The following METTL24 variants were observed in gnomAD, a reference collection of about 807,000 sequenced individuals.
METTL24 encodes the protein probable methyltransferase-like protein 24.
Under a neutral mutation model 32.7 loss-of-function variants are expected in METTL24, and 29 were observed. The observed-to-expected ratio is 0.89, with a 90% CI of 0.66 to 1.21. METTL24 has a LOEUF of 1.21. Ranked by LOEUF, METTL24 falls within the 50% of genes most tolerant of loss-of-function variation. The pLI, the probability that METTL24 is intolerant of heterozygous loss-of-function variation, is 0.00. For missense variants in METTL24, 439 were observed against 468.1 expected, an observed-to-expected ratio of 0.94 and a Z score of 0.57; for synonymous variants, 163 against 179.5, an observed-to-expected ratio of 0.91 and a Z score of 0.73.
At chr6:110,300,961 G>T (rs1208474821) in intron 3 of METTL24, among the ~76,000 whole-genome samples, 1 of 152,120 alleles carries the variant, frequency 6.6e-6, no homozygotes, top group Non-Finnish European at 1.5e-5. Context: ...GTTATATACA[G>T]ATACTACACC....
At chr6:110,352,404 T>A (rs1014171612) in intron 1 of METTL24, among the ~76,000 whole-genome samples, 3 of 152,200 alleles carry the variant, frequency 2.0e-5, no homozygotes, top group Non-Finnish European at 2.9e-5. Context: ...TATGTTCAAA[T>A]ACTTAAAACA....
At chr6:110,263,641 A>G (rs1770796713) in intron 4 of METTL24, among the ~76,000 whole-genome samples, 1 of 152,216 alleles carries the variant, frequency 6.6e-6, no homozygotes, top group Non-Finnish European at 1.5e-5. Flanking sequence ...ATGTGGAACC[A>G]AAAAAGAGCC....
intron 2 of METTL24, among the ~76,000 whole-genome samples, chr6:110,316,753 G>A (rs1330255588): frequency 1.3e-5 from 2 of 152,076 alleles, no homozygotes; most frequent in Non-Finnish European, 2.9e-5. Flanking sequence ...AACATTAGCT[G>A]GGCATGGTGG....
intron 1 of METTL24, among the ~76,000 whole-genome samples, chr6:110,356,939 G>A (rs1036975155): frequency 6.6e-6 from 1 of 152,218 alleles, no homozygotes; most frequent in Non-Finnish European, 1.5e-5. Flanking sequence ...TTGTGGTGCT[G>A]AAAAGTAGGC....
At chr6:110,294,128 TA>T (rs1271131000) in intron 4 of METTL24, among the ~76,000 whole-genome samples, 1 of 152,154 alleles carries the variant, frequency 6.6e-6, no homozygotes, top group Admixed American at 6.5e-5. Context: ...TTGCATTTTT[TA>T]TTTTTTTTAT....
chr6:110,307,112 G>A (rs1219860853), intron 3 of METTL24, among the ~76,000 whole-genome samples: 3 of 152,194 alleles, frequency 2.0e-5, no homozygotes, highest in Non-Finnish European at 4.4e-5. Flanking sequence ...ACAATATTCA[G>A]TATCCAAATG....
chr6:110,325,992 G>A (rs978573891), intron 1 of METTL24, among the ~76,000 whole-genome samples: 1 of 152,204 alleles, frequency 6.6e-6, no homozygotes, highest in African/African-American at 2.4e-5. Context: ...CCTCAAAGGC[G>A]AGTTCTCTCT....
At chr6:110,256,687 A>G (rs1385206119) in intron 4 of METTL24, among the ~76,000 whole-genome samples, 1 of 152,170 alleles carries the variant, frequency 6.6e-6, no homozygotes, top group African/African-American at 2.4e-5. Flanking sequence ...AGAGGAGACA[A>G]GAGAGGTCAA....
At chr6:110,344,176 A>G (rs1772421523) in intron 1 of METTL24, among the ~76,000 whole-genome samples, 1 of 152,226 alleles carries the variant, frequency 6.6e-6, no homozygotes, top group Admixed American at 6.5e-5. Flanking sequence ...TCACTGCATG[A>G]CAATGGACTC....
At chr6:110,252,104 A>G (rs1385354453) in intron 4 of METTL24, among the ~76,000 whole-genome samples, 2 of 152,196 alleles carry the variant, frequency 1.3e-5, no homozygotes, top group Non-Finnish European at 2.9e-5. Context: ...AGATGGCGCC[A>G]TGATACTCCA....
rs141095751 is a variant in METTL24, at chr6:110,289,193, C to T, written c.786+9729G>A. On this transcript the variant is annotated intron_variant, in intron 4 of 4. Transcript: ENST00000338882. ...CCAAAAACCTTCTACTGAAAATACA[C>T]CAGTAAACCAAAATTCCAAAATACA... Among the ~76,000 whole-genome samples, 237 of 152,260 alleles carry T rather than the reference C, an allele frequency of 1.6e-3. 1 individual carries two copies. The highest frequency in any genetic ancestry group is 5.5e-3 in the African/African-American group (229 of 41,546).
At chr6:110,335,566 G>GTTTTTTTTT (rs527344096) in intron 1 of METTL24, among the ~76,000 whole-genome samples, 1 of 66,112 alleles carries the variant, frequency 1.5e-5, no homozygotes, top group Admixed American at 1.8e-4. Flanking sequence ...GGGAATCATT[G>GTTTTTTTTT]TTTTTTTTTT....
chr6:110,324,424 T>G (rs987093216), intron 1 of METTL24, among the ~76,000 whole-genome samples: 3 of 152,200 alleles, frequency 2.0e-5, no homozygotes, highest in African/African-American at 4.8e-5. Flanking sequence ...CTGTGCAGTC[T>G]TAGGAGGCCA....
intron 1 of METTL24, among the ~76,000 whole-genome samples, chr6:110,337,673 C>T (rs765658113): frequency 1.3e-5 from 2 of 152,182 alleles, no homozygotes; most frequent in Non-Finnish European, 2.9e-5. Context: ...AGTTACAAAA[C>T]AAATCCTGTT....
Position 110,244,031 on chromosome 6 carries a change from G to A in METTL24, c.*1915C>T, listed in dbSNP as rs559990560. On this transcript the variant is annotated 3_prime_UTR_variant, in exon 5 of 5. Coordinates refer to ENST00000338882, the MANE Select transcript of METTL24 (RefSeq NM_001123364.3). ...AGTAATGAGAGAGAGCATTTGAACCGCTGAGAACCTAAACTTTCCACTTAA... is the reference window on the plus strand; with the variant it reads ...AGTAATGAGAGAGAGCATTTGAACCACTGAGAACCTAAACTTTCCACTTAA... Among the ~76,000 whole-genome samples, 5 of 152,224 alleles carry A rather than the reference G, an allele frequency of 3.3e-5. No individual in the cohort carries two copies. The highest frequency in any genetic ancestry group is 1.9e-4 in the East Asian group (1 of 5,192).
At chr6:110,281,255 C>T (rs954737551) in intron 4 of METTL24, among the ~76,000 whole-genome samples, 16 of 151,932 alleles carry the variant, frequency 1.1e-4, no homozygotes, top group African/African-American at 3.9e-4. Context: ...GGAAGAAAAA[C>T]CATCTAGTTA....
chr6:110,349,360 C>T (rs1194215463), intron 1 of METTL24, among the ~76,000 whole-genome samples: 1 of 152,194 alleles, frequency 6.6e-6, no homozygotes, highest in Non-Finnish European at 1.5e-5. Flanking sequence ...GCCAAGGTGA[C>T]CAGCAATGTT....
At chr6:110,278,711 T>C (rs1198856949) in intron 4 of METTL24, among the ~76,000 whole-genome samples, 1 of 152,124 alleles carries the variant, frequency 6.6e-6, no homozygotes, top group Non-Finnish European at 1.5e-5. Flanking sequence ...CAGATTCATA[T>C]AGGAAATCTT....
intron 1 of METTL24, among the ~76,000 whole-genome samples, chr6:110,349,010 C>G (rs1039058397): frequency 2.0e-5 from 3 of 152,222 alleles, no homozygotes; most frequent in Non-Finnish European, 4.4e-5. Context: ...CATTTTAGAT[C>G]TCGGTCCCCT....
Sources: gnomAD v4.1 joint callset for allele counts (sites outside exome capture counted in the v4.1 genomes callset) on GRCh38, gnomAD v4.1.1 for gene constraint, MANE v1.5 for transcripts, NCBI Gene and HGNC (gene_info 2026-07-23, HGNC 2026-07-21) for gene names.